The following DDX54 variants were observed in gnomAD, a reference collection of about 807,000 sequenced individuals.
DDX54 encodes the protein ATP-dependent RNA helicase DDX54.
In DDX54, 67 loss-of-function variants were observed where a neutral mutation model predicts 105.5. That is an observed-to-expected ratio of 0.64 (90% CI 0.52 to 0.78). The LOEUF (loss-of-function observed/expected upper bound fraction) is 0.78, where lower values mean the gene tolerates loss of function less well. Ranked by LOEUF, DDX54 falls within the 30% of genes least tolerant of loss-of-function variation. DDX54 has a pLI of 0.00. For missense variants in DDX54, 1,206 were observed against 1,230.5 expected, an observed-to-expected ratio of 0.98 and a Z score of 0.30; for synonymous variants, 514 against 509.9, an observed-to-expected ratio of 1.01 and a Z score of -0.11.
chr12:113,172,582 G>GTA lies in DDX54; in HGVS notation c.1069-21_1069-20dup. On this transcript the variant is annotated intron_variant, in intron 10 of 19. Coordinates refer to ENST00000306014, the MANE Select transcript of DDX54 (RefSeq NM_024072.4). Reference sequence around the variant, plus strand: ...TCAGCAGCTGCTCAGAGCAAAGATGGTAGCAAAGTGAGAAGGAGACTTGGA... The same window carrying GTA: ...TCAGCAGCTGCTCAGAGCAAAGATGGTATAGCAAAGTGAGAAGGAGACTTGGA... 1 of 1,612,322 alleles carries GTA rather than the reference G, an allele frequency of 6.2e-7. No homozygotes were observed. The highest frequency in any genetic ancestry group is 8.5e-7 in the Non-Finnish European group (1 of 1,179,034).
chr12:113,164,021 C>T lies in DDX54; in HGVS notation c.1938+46G>A, dbSNP rs765416506. On this transcript the variant is annotated intron_variant, in intron 15 of 19. Coordinates refer to ENST00000306014, the MANE Select transcript of DDX54 (RefSeq NM_024072.4). ...CATGGGCTGCTGGGACTTAGCCACC[C>T]CTTCCCCATACCCCAGGTCCAGGGT... 7.3e-6 allele frequency: 11 copies of T among 1,513,060 alleles called. No individual in the cohort carries two copies. In the South Asian group the frequency reaches 1.0e-4, roughly 14 times the overall value. The allele number at this position is 1,513,060 out of a possible 1,614,324, so 93.7% of individuals were successfully genotyped here. A position where few individuals can be genotyped will look rare whatever the true frequency, so the allele number is the denominator to read the frequency against.
At chr12:113,168,668 C>T (rs933850362) in intron 12 of DDX54, among the ~76,000 whole-genome samples, 39 of 151,912 alleles carry the variant, frequency 2.6e-4, no homozygotes, top group African/African-American at 9.7e-5. Flanking sequence ...CAGTGGCTCA[C>T]GCCTGTAATT....
At chr12:113,178,608 T>A (rs1250103803) in intron 5 of DDX54, 67 of 191,530 alleles carry the variant, frequency 3.5e-4, no homozygotes, top group Non-Finnish European at 1.1e-5. Context: ...AGTAATGCCA[T>A]CTCGGCTCAC....
chr12:113,164,189 G>T lies in DDX54; in HGVS notation c.1816C>A (p.Gln606Lys). ...TGCTCCTGCCGCCCCTGCTGTCCCTGCTGGAAGCGGGCGATGGCCTTGCGG... is the reference window on the plus strand; with the variant it reads ...TGCTCCTGCCGCCCCTGCTGTCCCTTCTGGAAGCGGGCGATGGCCTTGCGG... ...KDRKAIARFQ[Q>K]GQQGRQEQQE... Residue 606 changes from glutamine to lysine, a missense_variant, in exon 15 of 20, where the codon CAG (glutamine) becomes AAG (lysine). Physicochemically the swap from Gln to Lys is moderately conservative, Grantham distance 53. Around this residue, in one of 3 missense-constraint regions of DDX54, gnomAD observed 961 missense variants for 1,019.1 expected, o/e 0.94. Coordinates refer to ENST00000306014, the MANE Select transcript of DDX54 (RefSeq NM_024072.4). 1 of 1,569,874 alleles carries T rather than the reference G, an allele frequency of 6.4e-7. No homozygotes were observed.
At chr12:113,175,264 C>T (rs1952390267) in intron 7 of DDX54, 107 bp from the exon 8 acceptor site, 8 of 1,420,142 alleles carry the variant, frequency 5.6e-6, no homozygotes, top group Non-Finnish European at 7.4e-6. Context: ...CAGGGCTTGC[C>T]TCACTCTAAC....
intron 17 of DDX54, 66 bp from the exon 18 acceptor site, chr12:113,162,063 G>C (rs1292072434): frequency 6.7e-7 from 1 of 1,482,154 alleles, no homozygotes; most frequent in Non-Finnish European, 9.4e-7. Flanking sequence ...CTGCCGCTTG[G>C]GGCCTGTCTC....
At chr12:113,171,889 C>T (rs1193789430) in intron 11 of DDX54, among the ~76,000 whole-genome samples, 12 of 152,184 alleles carry the variant, frequency 7.9e-5, no homozygotes, top group Middle Eastern at 3.2e-3. Flanking sequence ...CAAAAACACA[C>T]GCACGGCACC....
chr12:113,181,332 ACCCAGG>A (rs1367190925), intron 1 of DDX54, among the ~76,000 whole-genome samples: 1 of 150,868 alleles, frequency 6.6e-6, no homozygotes, highest in East Asian at 1.9e-4. Context: ...TTACTCTGTC[ACCCAGG>A]CTGGAGTACA....
chr12:113,172,643 C>A, intron 10 of DDX54, 80 bp from the exon 11 acceptor site: 1 of 1,527,602 alleles, frequency 6.5e-7, no homozygotes. Flanking sequence ...TGGCGGGGGA[C>A]GGGCACTGAG....
At chr12:113,166,394 G>A (rs1952276421) in intron 12 of DDX54, among the ~76,000 whole-genome samples, 2 of 150,170 alleles carry the variant, frequency 1.3e-5, no homozygotes, top group South Asian at 2.1e-4. Context: ...TGTACTATCC[G>A]GCTCTAAAAA....
chr12:113,180,926 C>T lies in DDX54; in HGVS notation c.304+3G>A, dbSNP rs536911951. On this transcript the variant is annotated splice_donor_region_variant and intron_variant, in intron 2 of 19. Transcript: ENST00000306014. The stretch of plus-strand genomic sequence containing the variant: ...AGAGTCCCTGATGCCAAGTTGCACC[C>T]ACCCATGGACTGGAAGCCTCCAGAC... 6.2e-7 allele frequency: 1 copy of T among 1,613,390 alleles called. No homozygotes were observed. The highest frequency in any genetic ancestry group is 1.3e-5 in the African/African-American group (1 of 75,024).
At chr12:113,171,223 G>T (rs922599991) in intron 11 of DDX54, among the ~76,000 whole-genome samples, 1 of 152,198 alleles carries the variant, frequency 6.6e-6, no homozygotes, top group African/African-American at 2.4e-5. Context: ...AGAAGGCAAA[G>T]AAAGTAGAAT....
chr12:113,171,306 T>C (rs1476841643), intron 11 of DDX54, among the ~76,000 whole-genome samples: 2 of 152,038 alleles, frequency 1.3e-5, no homozygotes, highest in African/African-American at 4.8e-5. Flanking sequence ...TTTTGCAAGA[T>C]GGAAAAGTTC....
intron 17 of DDX54, 49 bp from the exon 18 acceptor site, chr12:113,162,046 G>A (rs768755178): frequency 1.8e-5 from 28 of 1,585,338 alleles, no homozygotes; most frequent in Non-Finnish European, 2.2e-5. Context: ...AACCCTTGGA[G>A]TGCCGGCTGC....
chr12:113,172,281 A>G (rs955450149), intron 11 of DDX54, 72 bp downstream of exon 11: 87 of 1,526,092 alleles, frequency 5.7e-5, no homozygotes, highest in Non-Finnish European at 6.4e-5. Context: ...TCAAGAGTTA[A>G]GCCTTGTACC....
Position 113,161,279 on chromosome 12 carries a change from G to T in DDX54, c.2404C>A (p.Arg802Ser). 6.2e-7 allele frequency: 1 copy of T among 1,611,458 alleles called. No individual in the cohort carries two copies. ...CCACCCTGGCTCTCACCTTGGCCAC[G>T]GTCTCGCTTCCCACCTCTTCGCTCT... is the stretch of plus-strand genomic sequence containing the variant. ...GPERRGGKRD[R>S]GQGASRPHAP... is the part of the protein sequence containing the mutation. The change falls in exon 19 of 20, where the codon CGT (arginine) becomes AGT (serine). Residue 802 changes from arginine (R) to serine (S), a missense_variant. Around this residue, in one of 3 missense-constraint regions of DDX54, gnomAD observed 961 missense variants for 1,019.1 expected, o/e 0.94. Coordinates refer to ENST00000306014, the MANE Select transcript of DDX54 (RefSeq NM_024072.4).
Position 113,185,372 on chromosome 12 carries a change from C to G in DDX54, c.80G>C (p.Arg27Pro). The change falls in exon 1 of 20, where the codon CGG (arginine) becomes CCG (proline). Residue 27 changes from arginine to proline, a missense_variant. By Grantham distance (103) the Arg-to-Pro change is moderately radical. Around this residue, in one of 3 missense-constraint regions of DDX54, gnomAD observed 212 missense variants for 155.4 expected, o/e 1.36. Transcript: ENST00000306014. ...MAQWRKKKGL[R>P]KRRGAASQAR... ...CTGGGAGGCCGCGCCTCGGCGCTTCCGGAGCCCTTTCTTCTTCCTCCACTG... is the reference window on the plus strand; with the variant it reads ...CTGGGAGGCCGCGCCTCGGCGCTTCGGGAGCCCTTTCTTCTTCCTCCACTG... 6.4e-7 allele frequency: 1 copy of G among 1,572,968 alleles called. No individual in the cohort carries two copies. The highest frequency in any genetic ancestry group is 8.6e-7 in the Non-Finnish European group (1 of 1,162,328).
intron 12 of DDX54, among the ~76,000 whole-genome samples, chr12:113,168,701 C>A (rs554950211): frequency 6.6e-6 from 1 of 152,000 alleles, no homozygotes; most frequent in Non-Finnish European, 1.5e-5. Flanking sequence ...GAGGCCGAGG[C>A]GGGCAGATCA....
intron 14 of DDX54, among the ~76,000 whole-genome samples, chr12:113,165,290 A>C (rs777690068): frequency 5.3e-5 from 8 of 152,146 alleles, no homozygotes; most frequent in Non-Finnish European, 1.2e-4. Flanking sequence ...GAGGGAAAGA[A>C]GCTCAGGAAA....
Sources: allele counts gnomAD v4.1 joint callset (sites outside exome capture counted in the v4.1 genomes callset), GRCh38; gene constraint gnomAD v4.1.1; regional missense constraint gnomAD v4.1.1; transcripts MANE v1.5; gene names NCBI Gene and HGNC (gene_info 2026-07-23, HGNC 2026-07-21).